The following SCUBE1 variants were observed in gnomAD, a reference collection of about 807,000 sequenced individuals.
The protein encoded by SCUBE1 is signal peptide, CUB domain and EGF like domain containing 1.
Under a neutral mutation model 124.4 loss-of-function variants are expected in SCUBE1, and 59 were observed. That is an observed-to-expected ratio of 0.47 (90% CI 0.38 to 0.59). The LOEUF (loss-of-function observed/expected upper bound fraction) is 0.59. Among genes scored for constraint, SCUBE1 ranks in the 20% least tolerant of loss-of-function variants. The pLI, the probability that SCUBE1 is intolerant of heterozygous loss-of-function variation, is 0.00. For synonymous variants in SCUBE1, 545 were observed against 550.9 expected (o/e 0.99, Z 0.15); for missense variants, 1,150 against 1,371.2 (o/e 0.84, Z 2.55).
In SCUBE1 at chr22:43,229,075, C is replaced by T. The variant is rs1220453385; in HGVS notation, c.1081G>A (p.Gly361Arg). 17 of 1,610,200 alleles carry T rather than the reference C, an allele frequency of 1.1e-5. No individual in the cohort carries two copies. Among genetic ancestry groups the T allele is most frequent in the East Asian group, 4.5e-5 (2 of 44,828 alleles). The part of the protein sequence containing the change: ...GYILYGTTHC[G>R]DVDECSMSNG... The stretch of plus-strand genomic sequence containing the variant: ...CCCTGGCGGGCAGGCTGCAGACCTC[C>T]GCAGTGGGTTGTCCCGTAGAGGATG... Residue 361 changes from glycine to arginine, a missense_variant, in exon 9 of 22, where the codon GGA becomes AGA. Around this residue, in one of 3 missense-constraint regions of SCUBE1, gnomAD observed 337 missense variants for 482.1 expected, o/e 0.70. Coordinates refer to ENST00000360835, the MANE Select transcript of SCUBE1 (RefSeq NM_173050.5).
In SCUBE1 at chr22:43,307,085, C is replaced by T. The variant is rs565811250; in HGVS notation, c.349+12852G>A. Reference sequence around the variant, plus strand: ...ACAAACGAGCCTGCTGTGGGCCTGGCCTTTGCAGGCCTTGGATAAAGAGCT... The same window carrying T: ...ACAAACGAGCCTGCTGTGGGCCTGGTCTTTGCAGGCCTTGGATAAAGAGCT... On this transcript the variant is annotated intron_variant, in intron 3 of 21. Coordinates refer to ENST00000360835, the MANE Select transcript of SCUBE1 (RefSeq NM_173050.5). Among the ~76,000 whole-genome samples, 34 of 152,350 alleles carry T rather than the reference C, an allele frequency of 2.2e-4. No individual in the cohort carries two copies. The South Asian group carries it at 6.8e-3, about 31-fold the overall frequency.
chr22:43,211,670 C>A lies in SCUBE1; in HGVS notation c.2222-587G>T, dbSNP rs947782895. On this transcript the variant is annotated intron_variant, in intron 17 of 21. Transcript: ENST00000360835. This position sits in a 1 kb window ranked among gnomAD's most constrained non-coding sequence, Gnocchi z 4.5. Reference sequence around the variant, plus strand: ...TAGCTGGGATTACAGGTGCACATCACCACACCCGGCTAATTATTTTTGTAT... The same window carrying A: ...TAGCTGGGATTACAGGTGCACATCAACACACCCGGCTAATTATTTTTGTAT... Among the ~76,000 whole-genome samples the A allele has an allele frequency of 2.0e-5, 3 of 152,048 alleles. No homozygotes were observed. Among genetic ancestry groups the A allele is most frequent in the African/African-American group, 4.8e-5 (2 of 41,384 alleles).
chr22:43,280,059 CAGG>C (rs1425950897), intron 4 of SCUBE1, among the ~76,000 whole-genome samples: 2 of 152,172 alleles, frequency 1.3e-5, no homozygotes, highest in Non-Finnish European at 2.9e-5. Context: ...GCCAGCCAGT[CAGG>C]AGGAGGAAGG....
At chr22:43,222,355 T>G (rs1340015128) in intron 12 of SCUBE1, among the ~76,000 whole-genome samples, 1 of 152,230 alleles carries the variant, frequency 6.6e-6, no homozygotes, top group Non-Finnish European at 1.5e-5. Flanking sequence ...GTCTGAGATC[T>G]GTGCACTCAC....
intron 16 of SCUBE1, 124 bp downstream of exon 16, chr22:43,213,966 T>C (rs1601799214): frequency 9.7e-7 from 1 of 1,035,208 alleles, no homozygotes; most frequent in Non-Finnish European, 1.4e-6. Flanking sequence ...CAAGGAACTT[T>C]AGAAAATACC....
intron 7 of SCUBE1, chr22:43,233,637 C>T (rs1255961295): frequency 1.3e-5 from 2 of 152,258 alleles, no homozygotes; most frequent in African/African-American, 4.8e-5. Flanking sequence ...AAGTCTGCCC[C>T]CACTTTAAAG....
intron 4 of SCUBE1, among the ~76,000 whole-genome samples, chr22:43,281,587 T>TCCTGTCACCTCC (rs1569011199): frequency 1.5e-5 from 1 of 64,870 alleles, no homozygotes; most frequent in African/African-American, 8.9e-5. Flanking sequence ...TCACCTCCCT[T>TCCTGTCACCTCC]CTCAGCCACC....
chr22:43,312,321 G>C (rs1032214084), intron 3 of SCUBE1, among the ~76,000 whole-genome samples: 2 of 152,228 alleles, frequency 1.3e-5, no homozygotes, highest in African/African-American at 4.8e-5. Context: ...GTGGGTCACA[G>C]CAGACCTCTG....
chr22:43,335,784 GTGATGGTGATGA>G (rs1569036076), intron 2 of SCUBE1, among the ~76,000 whole-genome samples: 9 of 127,606 alleles, frequency 7.1e-5, no homozygotes, highest in Admixed American at 1.5e-4. Flanking sequence ...GATGGTGATG[GTGATGGTGATGA>G]TGATGGTGAT....
At chr22:43,275,114 G>C (rs567953998) in intron 4 of SCUBE1, among the ~76,000 whole-genome samples, 1 of 152,330 alleles carries the variant, frequency 6.6e-6, no homozygotes, top group East Asian at 1.9e-4. Flanking sequence ...CAGCGGGAGG[G>C]AAAGGTGTTC....
chr22:43,271,116 CTG>C (rs1385608774), intron 4 of SCUBE1, among the ~76,000 whole-genome samples: 1 of 152,212 alleles, frequency 6.6e-6, no homozygotes, highest in Non-Finnish European at 1.5e-5. Flanking sequence ...ACTTGAGATG[CTG>C]TTTCTGTGTC....
intron 21 of SCUBE1, 55 bp downstream of exon 21, chr22:43,207,479 C>A: frequency 1.4e-6 from 2 of 1,396,136 alleles, no homozygotes; most frequent in South Asian, 1.2e-5. Flanking sequence ...GGTCCTGGCT[C>A]ATCACAGGCC....
chr22:43,220,444 A>C lies in SCUBE1; in HGVS notation c.1687+6T>G, dbSNP rs774659509. ...GCAGAAGCCCCCAGGAGAACCCCTCACCTACCTGAGGCCTCTTCCATCTTT... is the reference window on the plus strand; with the variant it reads ...GCAGAAGCCCCCAGGAGAACCCCTCCCCTACCTGAGGCCTCTTCCATCTTT... On this transcript the variant is annotated splice_donor_region_variant and intron_variant, in intron 14 of 21. Coordinates refer to ENST00000360835, the MANE Select transcript of SCUBE1 (RefSeq NM_173050.5). The C allele has an allele frequency of 6.2e-7, 1 of 1,612,678 alleles. No individual in the cohort carries two copies. Among genetic ancestry groups the C allele is most frequent in the Non-Finnish European group, 8.5e-7 (1 of 1,179,138 alleles).
chr22:43,292,812 C>T (rs978868898), intron 3 of SCUBE1, among the ~76,000 whole-genome samples: 12 of 152,188 alleles, frequency 7.9e-5, no homozygotes, highest in Non-Finnish European at 5.9e-5. Flanking sequence ...AGGCCGACAG[C>T]GAGGCCATTA....
intron 2 of SCUBE1, among the ~76,000 whole-genome samples, chr22:43,331,026 T>C (rs1451033439): frequency 2.6e-5 from 4 of 152,184 alleles, no homozygotes; most frequent in Admixed American, 6.5e-5. Context: ...TTCAATAAAG[T>C]GTGTAATAAT....
At chr22:43,248,663 C>T (rs886674649) in intron 6 of SCUBE1, among the ~76,000 whole-genome samples, 1 of 152,244 alleles carries the variant, frequency 6.6e-6, no homozygotes, top group Admixed American at 6.5e-5. Context: ...GGCAGGGAGG[C>T]CACGACTTGA....
intron 5 of SCUBE1, among the ~76,000 whole-genome samples, chr22:43,259,881 C>T (rs1210214295): frequency 6.6e-6 from 1 of 152,202 alleles, no homozygotes; most frequent in Non-Finnish European, 1.5e-5. Flanking sequence ...AGCCCTCCAG[C>T]CTCTTCTCCT....
intron 10 of SCUBE1, among the ~76,000 whole-genome samples, chr22:43,225,189 AC>A (rs146668305): frequency 1.3e-5 from 2 of 149,150 alleles, no homozygotes; most frequent in East Asian, 4.0e-4. Context: ...TTATCGCATC[AC>A]CCCCCCACTC....
chr22:43,261,308 T>C (rs1299085615), intron 5 of SCUBE1, among the ~76,000 whole-genome samples: 1 of 152,236 alleles, frequency 6.6e-6, no homozygotes, highest in African/African-American at 2.4e-5. Flanking sequence ...ACTGCCCGTT[T>C]GGTCCTGCCC....
Sources: allele counts gnomAD v4.1 joint callset (sites outside exome capture counted in the v4.1 genomes callset), GRCh38; gene constraint gnomAD v4.1.1; regional missense constraint gnomAD v4.1.1; non-coding constraint Gnocchi (gnomAD v3.1); transcripts MANE v1.5; gene names NCBI Gene and HGNC (gene_info 2026-07-23, HGNC 2026-07-21).